The following SMURF1 variants were observed in gnomAD, a reference collection of about 807,000 sequenced individuals.
SMURF1 encodes the protein E3 ubiquitin-protein ligase SMURF1.
SMURF1 carries 44 observed loss-of-function variants against 98.0 expected under a neutral mutation model. The ratio of observed to expected loss-of-function variants is 0.45; its 90% CI spans 0.35 to 0.58. The LOEUF (loss-of-function observed/expected upper bound fraction) is 0.58, where lower values mean the gene tolerates loss of function less well. SMURF1 is among the 20% of genes least tolerant of loss of function. The probability of loss-of-function intolerance (pLI) is 0.00; values close to 1 mark genes in which losing one functional copy is unlikely to be tolerated. For synonymous variants in SMURF1, 396 were observed against 374.9 expected, an observed-to-expected ratio of 1.06 and a Z score of -0.65; for missense variants, 687 against 938.4, an observed-to-expected ratio of 0.73 and a Z score of 3.50.
intron 1 of SMURF1, among the ~76,000 whole-genome samples, chr7:99,071,220 C>T (rs1182623437): frequency 2.6e-5 from 4 of 152,016 alleles, no homozygotes; most frequent in African/African-American, 4.8e-5. Flanking sequence ...CCACCATGCC[C>T]GGCTAATTTT....
Position 99,052,246 on chromosome 7 carries a change from C to T in SMURF1, c.680G>A (p.Arg227Gln), listed in dbSNP as rs148949544. Residue 227 changes from arginine (R) to glutamine (Q), a missense_variant, in exon 7 of 18, where the codon CGA (arginine) becomes CAA (glutamine). Physicochemically the swap from Arg to Gln is conservative, Grantham distance 43. Coordinates refer to ENST00000361368, the MANE Select transcript of SMURF1 (RefSeq NM_181349.3). ...TTCCGGGGACTGGTGGCCGTGTGGT[C>T]GGTTCTGGGGCGTCTGTAGTGAACC... ...VRGSLQTPQN[R>Q]PHGHQSPELP... 2.6e-5 allele frequency: 42 copies of T among 1,593,984 alleles called. No homozygotes were observed. The African/African-American group carries it at 3.9e-4, about 15-fold the overall frequency.
Position 99,063,495 on chromosome 7 carries a change from G to C in SMURF1, c.56-1658C>G, listed in dbSNP as rs145470363. Among the ~76,000 whole-genome samples the C allele has an allele frequency of 9.2e-3, 1,378 of 150,124 alleles. 19 individuals carry two copies. Among genetic ancestry groups the C allele is most frequent in the Middle Eastern group, 0.024 (7 of 294 alleles). ...TAAAGAGACAGGCTCTCACTATGTT[G>C]CCCAGGCTGGTCCCAAGCTCCTGGC... On this transcript the variant is annotated intron_variant, in intron 1 of 17. Coordinates refer to ENST00000361368, the MANE Select transcript of SMURF1 (RefSeq NM_181349.3).
At chr7:99,092,100 C>A (rs138636786) in intron 1 of SMURF1, among the ~76,000 whole-genome samples, 91 of 152,184 alleles carry the variant, frequency 6.0e-4, no homozygotes, top group African/African-American at 2.0e-3. Flanking sequence ...AGGGTTATTG[C>A]GAGCAATGAT....
Position 99,052,334 on chromosome 7 carries a change from C to T in SMURF1, c.592G>A (p.Val198Met), listed in dbSNP as rs769379549. ...CTTTGATCTTGACTTGGGGACTCCA[C>T]GAACCTGCAATTCCCTCCTCCAGCA... ...AAAGGGNCRF[V>M]ESPSQDQRLQ... The change falls in exon 7 of 18, where the codon GTG becomes ATG. Residue 198 changes from valine (V) to methionine (M), a missense_variant. Around this residue, in one of 2 missense-constraint regions of SMURF1, gnomAD observed 415 missense variants for 508.4 expected, o/e 0.82. Coordinates refer to ENST00000361368, the MANE Select transcript of SMURF1 (RefSeq NM_181349.3). 35 of 1,612,394 alleles carry T rather than the reference C, an allele frequency of 2.2e-5. No individual in the cohort carries two copies. Among genetic ancestry groups the T allele is most frequent in the African/African-American group, 4.0e-5 (3 of 74,912 alleles).
chr7:99,095,253 T>C (rs1296217005), intron 1 of SMURF1, among the ~76,000 whole-genome samples: 2 of 152,094 alleles, frequency 1.3e-5, no homozygotes, highest in African/African-American at 4.8e-5. Flanking sequence ...CTAATTTTTG[T>C]ATTTTTAGTA....
chr7:99,102,099 A>G (rs1797097073), intron 1 of SMURF1, among the ~76,000 whole-genome samples: 1 of 152,194 alleles, frequency 6.6e-6, no homozygotes, highest in African/African-American at 2.4e-5. Context: ...TTATATGGGC[A>G]TACTAGGATT....
chr7:99,119,531 A>T (rs575989427), intron 1 of SMURF1, among the ~76,000 whole-genome samples: 1 of 152,318 alleles, frequency 6.6e-6, no homozygotes, highest in South Asian at 2.1e-4. Context: ...GAGTAATTTT[A>T]AAAAATATAA....
Position 99,035,696 on chromosome 7 carries a change from A to C in SMURF1, c.1830T>G (p.Asp610Glu). The C allele has an allele frequency of 6.2e-7, 1 of 1,614,078 alleles. No individual in the cohort carries two copies. Among genetic ancestry groups the C allele is most frequent in the Non-Finnish European group, 8.5e-7 (1 of 1,179,984 alleles). The part of the protein sequence containing the change: ...KELELIIGGL[D>E]KIDLNDWKSN... ...ACTTCCAGTCGTTCAAGTCTATTTTATCCAGGCCGCCTATGATCAGCTGAG... is the reference window on the plus strand; with the variant it reads ...ACTTCCAGTCGTTCAAGTCTATTTTCTCCAGGCCGCCTATGATCAGCTGAG... The change falls in exon 16 of 18, where the codon GAT (aspartate) becomes GAG (glutamate). Residue 610 changes from aspartate to glutamate, a missense_variant. Transcript: ENST00000361368.
chr7:99,086,387 A>T (rs1340914194), intron 1 of SMURF1, among the ~76,000 whole-genome samples: 1 of 133,098 alleles, frequency 7.5e-6, no homozygotes, highest in Admixed American at 7.6e-5. Flanking sequence ...CTTCCCACCT[A>T]AGATAGTTAA....
chr7:99,065,038 C>T (rs1796154096), intron 1 of SMURF1, among the ~76,000 whole-genome samples: 1 of 151,336 alleles, frequency 6.6e-6, no homozygotes, highest in African/African-American at 2.4e-5. Flanking sequence ...AATAGAGTAT[C>T]TTGAATGTAG....
chr7:99,057,726 T>C (rs1366921958), intron 3 of SMURF1, among the ~76,000 whole-genome samples, 175 bp from the exon 4 acceptor site: 4 of 151,474 alleles, frequency 2.6e-5, no homozygotes, highest in African/African-American at 9.7e-5. Context: ...GCCTCCCGAG[T>C]AGCTGGGACT....
intron 1 of SMURF1, among the ~76,000 whole-genome samples, chr7:99,108,712 T>C (rs1797255779): frequency 6.6e-6 from 1 of 151,524 alleles, no homozygotes; most frequent in Non-Finnish European, 1.5e-5. Context: ...CAGAGCCATT[T>C]CTTCAATTCC....
At chr7:99,065,888 A>G (rs1384600429) in intron 1 of SMURF1, among the ~76,000 whole-genome samples, 1 of 152,196 alleles carries the variant, frequency 6.6e-6, no homozygotes, top group African/African-American at 2.4e-5. Flanking sequence ...TCTACTAAAA[A>G]TACAAAAATT....
At chr7:99,088,235 G>A (rs1032816530) in intron 1 of SMURF1, among the ~76,000 whole-genome samples, 5 of 150,676 alleles carry the variant, frequency 3.3e-5, no homozygotes, top group Admixed American at 3.3e-4. Flanking sequence ...TGCAGCCTGG[G>A]CAACAGAGCA....
chr7:99,089,229 A>C (rs948018475), intron 1 of SMURF1, among the ~76,000 whole-genome samples: 2 of 151,854 alleles, frequency 1.3e-5, no homozygotes, highest in Non-Finnish European at 2.9e-5. Context: ...GAAATCAATC[A>C]ATCAGTCAGA....
At position 99,045,690 on chromosome 7, in the gene SMURF1, C is replaced by A. The variant is rs1437088989; in HGVS notation, c.1256+8G>T. On this transcript the variant is annotated splice_region_variant and intron_variant, in intron 11 of 17. Coordinates refer to ENST00000361368, the MANE Select transcript of SMURF1 (RefSeq NM_181349.3). ...ACAGCAGAGAAGGTGAATGAACAAG[C>A]AGCTCACCTGGCCACACCACCGTAA... The A allele has an allele frequency of 6.2e-7, 1 of 1,606,730 alleles. No homozygotes were observed. The highest frequency in any genetic ancestry group is 1.1e-5 in the South Asian group (1 of 90,936).
rs1794786883 is a variant in SMURF1 at position 99,028,837 on chromosome 7, A to C, written c.*1747T>G. The C allele has an allele frequency of 6.6e-6, 1 of 152,078 alleles. No individual in the cohort carries two copies. Among genetic ancestry groups the C allele is most frequent in the African/African-American group, 2.4e-5 (1 of 41,388 alleles). The allele number at this position is 152,078 out of a possible 1,614,324, so 9.4% of individuals were successfully genotyped here. A position where few individuals can be genotyped will look rare whatever the true frequency, so the allele number is the denominator to read the frequency against. ...TGTCCGGGGGAGGTCTGTAGTTTTC[A>C]CTTCCTCACCTTCAAGAGGAAGATG... is the stretch of plus-strand genomic sequence containing the variant. On this transcript the variant is annotated 3_prime_UTR_variant, in exon 18 of 18. Transcript: ENST00000361368.
intron 11 of SMURF1, 42 bp from the exon 12 acceptor site, chr7:99,042,274 T>A: frequency 2.8e-6 from 4 of 1,428,504 alleles, no homozygotes; most frequent in Non-Finnish European, 2.9e-6. Flanking sequence ...CGCGCTAAAA[T>A]TTCTACATTT....
intron 17 of SMURF1, 164 bp from the exon 18 acceptor site, chr7:99,030,847 A>G (rs1237927531): frequency 1.1e-5 from 6 of 550,146 alleles, no homozygotes; most frequent in Non-Finnish European, 1.9e-5. Flanking sequence ...TTCTGCTTCT[A>G]ATACAAAGAT....
Sources: allele counts gnomAD v4.1 joint callset (sites outside exome capture counted in the v4.1 genomes callset), GRCh38; gene constraint gnomAD v4.1.1; regional missense constraint gnomAD v4.1.1; transcripts MANE v1.5; gene names NCBI Gene and HGNC (gene_info 2026-07-23, HGNC 2026-07-21).